Variants in HERC1 observed in about 807,000 individuals in gnomAD.
HERC1 encodes the protein HECT and RLD domain containing E3 ubiquitin protein ligase family member 1.
Under a neutral mutation model 554.3 loss-of-function variants are expected in HERC1, and 160 were observed. The observed-to-expected ratio is 0.29, with a 90% CI of 0.25 to 0.33. The LOEUF is 0.33. Ranked by LOEUF, HERC1 falls within the 10% of genes least tolerant of loss-of-function variation. The pLI is 1.00. For missense variants in HERC1, 4,919 were observed against 5,918.5 expected (o/e 0.83, Z 5.54); for synonymous variants, 2,175 against 2,131.7 (o/e 1.02, Z -0.56).
intron 18 of HERC1, among the ~76,000 whole-genome samples, chr15:63,723,764 C>T (rs1320002058): frequency 1.3e-5 from 2 of 152,056 alleles, no homozygotes; most frequent in Non-Finnish European, 2.9e-5. Flanking sequence ...ATTGAAAATG[C>T]GACTAGACCT....
rs1595911945 is a variant in HERC1 at position 63,659,716 on chromosome 15, A to G, written c.9424+20T>C. On this transcript the variant is annotated intron_variant, in intron 47 of 77. Coordinates refer to ENST00000443617, the MANE Select transcript of HERC1 (RefSeq NM_003922.4). Reference sequence around the variant, plus strand: ...ATAGTAGATGCTATAAAATCAATGCAAATCAGGATTTCAGTTTACCTATTT... The same window carrying G: ...ATAGTAGATGCTATAAAATCAATGCGAATCAGGATTTCAGTTTACCTATTT... 3.8e-6 allele frequency: 6 copies of G among 1,581,448 alleles called. No individual in the cohort carries two copies. In the East Asian group the frequency reaches 1.3e-4, roughly 35 times the overall value.
chr15:63,649,159 C>G (rs1170778594), intron 54 of HERC1, among the ~76,000 whole-genome samples: 1 of 152,170 alleles, frequency 6.6e-6, no homozygotes, highest in East Asian at 1.9e-4. Flanking sequence ...TCGAGACCAT[C>G]CTGGCCAACA....
chr15:63,822,865 G>C (rs2077752953), intron 1 of HERC1, among the ~76,000 whole-genome samples: 1 of 152,086 alleles, frequency 6.6e-6, no homozygotes, highest in South Asian at 2.1e-4. Flanking sequence ...CTAATAGACT[G>C]GTTAAAGGGT....
At chr15:63,609,683 C>T (rs541050549) in intron 77 of HERC1, among the ~76,000 whole-genome samples, 117 of 152,228 alleles carry the variant, frequency 7.7e-4, no homozygotes, top group African/African-American at 2.3e-3. Flanking sequence ...ATGGAAAGAA[C>T]GACTGTGAGG....
chr15:63,707,381 C>A (rs2073061973), intron 24 of HERC1, among the ~76,000 whole-genome samples: 1 of 152,162 alleles, frequency 6.6e-6, no homozygotes, highest in East Asian at 1.9e-4. Context: ...AGACAAATCT[C>A]AAAACTGGTG....
chr15:63,758,988 C>T lies in HERC1; in HGVS notation c.1027-619G>A, dbSNP rs1019183402. Among the ~76,000 whole-genome samples the T allele has an allele frequency of 3.3e-5, 5 of 152,128 alleles. No homozygotes were observed. The highest frequency in any genetic ancestry group is 1.2e-4 in the African/African-American group (5 of 41,418). The stretch of plus-strand genomic sequence containing the variant: ...AAGCAATCCTCCCACCTCAGCCCCC[C>T]AAGTAGCTGAGATTACAGGCATGCA... On this transcript the variant is annotated intron_variant, in intron 3 of 77. Transcript: ENST00000443617. The surrounding 1 kb of genome is among the most constrained non-coding windows in gnomAD (Gnocchi z 4.0).
intron 61 of HERC1, among the ~76,000 whole-genome samples, chr15:63,639,689 T>C (rs2068947866): frequency 6.6e-6 from 1 of 152,236 alleles, no homozygotes; most frequent in Non-Finnish European, 1.5e-5. Context: ...TCACAGTTTC[T>C]AGAGTAGACA....
chr15:63,740,338 GAC>G (rs1354888814), intron 12 of HERC1, among the ~76,000 whole-genome samples: 12 of 152,200 alleles, frequency 7.9e-5, no homozygotes, highest in Non-Finnish European at 1.8e-4. Context: ...TCAGTTGACA[GAC>G]ACATGTTGTT....
rs2069464023 is a variant in HERC1 at position 63,648,292 on chromosome 15, G to A, written c.10748-93C>T. ...AGACTTTGAAACAAATAATGATAAT[G>A]CAACCATTGCAAGTAAATTTCCAAA... On this transcript the variant is annotated intron_variant, in intron 54 of 77. Transcript: ENST00000443617. The A allele has an allele frequency of 4.1e-6, 5 of 1,228,482 alleles. No homozygotes were observed. In the East Asian group the frequency reaches 1.0e-4, roughly 25 times the overall value. The allele number at this position is 1,228,482 out of a possible 1,614,324, so 76.1% of individuals were successfully genotyped here. A position where few individuals can be genotyped will look rare whatever the true frequency, so the allele number is the denominator to read the frequency against.
intron 12 of HERC1, among the ~76,000 whole-genome samples, chr15:63,735,464 CA>C (rs912689629): frequency 6.6e-6 from 1 of 150,988 alleles, no homozygotes; most frequent in Non-Finnish European, 1.5e-5. Context: ...TTGATAGGTG[CA>C]GCACACCAAC....
chr15:63,625,084 C>T (rs1307149285), intron 71 of HERC1, among the ~76,000 whole-genome samples: 1 of 152,112 alleles, frequency 6.6e-6, no homozygotes, highest in East Asian at 1.9e-4. Flanking sequence ...GACTCTGCTG[C>T]CTATCTATTT....
intron 2 of HERC1, among the ~76,000 whole-genome samples, chr15:63,771,053 A>G (rs562988556): frequency 4.1e-4 from 62 of 152,070 alleles, no homozygotes; most frequent in African/African-American, 1.2e-3. Context: ...GCCAGGCATG[A>G]TAGCAAGTGC....
At chr15:63,705,507 T>G (rs1225291709) in intron 25 of HERC1, among the ~76,000 whole-genome samples, 1 of 151,484 alleles carries the variant, frequency 6.6e-6, no homozygotes, top group Non-Finnish European at 1.5e-5. Context: ...TACATGAAAA[T>G]GAAAAAATTA....
chr15:63,626,963 A>G (rs1244994217), intron 70 of HERC1, among the ~76,000 whole-genome samples: 1 of 152,156 alleles, frequency 6.6e-6, no homozygotes, highest in Non-Finnish European at 1.5e-5. Flanking sequence ...CAAAACACTG[A>G]GTCTCAAGGT....
Position 63,713,421 on chromosome 15 carries a change from C to T in HERC1, c.4395G>A (p.Lys1465=), listed in dbSNP as rs755953420. 8.7e-5 allele frequency: 140 copies of T among 1,613,928 alleles called. 2 individuals carry two copies. The South Asian group carries it at 9.8e-4, about 11-fold the overall frequency. ...GVSPVIDELQ[K]RREEGQLQQP... is the part of the protein sequence containing the mutation. Reference sequence around the variant, plus strand: ...GCTGCAACTGTCCTTCTTCTCTTCGCTTCTGAAGCTCATCTATCACAGGAC... The same window carrying T: ...GCTGCAACTGTCCTTCTTCTCTTCGTTTCTGAAGCTCATCTATCACAGGAC... Residue 1465 remains lysine (K), a synonymous_variant, in exon 23 of 78, where the codon AAG becomes AAA. Coordinates refer to ENST00000443617, the MANE Select transcript of HERC1 (RefSeq NM_003922.4).
intron 67 of HERC1, 101 bp downstream of exon 67, chr15:63,633,747 C>G: frequency 7.9e-7 from 1 of 1,272,578 alleles, no homozygotes; most frequent in Non-Finnish European, 1.1e-6. Flanking sequence ...TATGAACTAC[C>G]AAAAGTACTA....
In HERC1 at chr15:63,608,922, A is replaced by T; in HGVS notation, c.*159T>A. 3.6e-6 allele frequency: 2 copies of T among 549,022 alleles called. No individual in the cohort carries two copies. Among genetic ancestry groups the T allele is most frequent in the Non-Finnish European group, 2.9e-6 (1 of 346,250 alleles). 34.0% of individuals were successfully genotyped at this position (549,022 alleles called of 1,614,324 possible). On this transcript the variant is annotated 3_prime_UTR_variant, in exon 78 of 78. Transcript: ENST00000443617. ...AATCACAGAAAAATAAAAACATCTA[A>T]TTTCTTTGTTACATTTAGAGTAACT...
At chr15:63,660,135 A>C (rs2070274357) in intron 46 of HERC1, among the ~76,000 whole-genome samples, 199 bp from the exon 47 acceptor site, 1 of 152,092 alleles carries the variant, frequency 6.6e-6, no homozygotes, top group Non-Finnish European at 1.5e-5. Context: ...CCTGGCCAAC[A>C]TGATGAAACC....
Position 63,678,159 on chromosome 15 carries a change from A to T in HERC1, c.6756T>A (p.Gly2252=). Residue 2252 remains glycine (G), a synonymous_variant, in exon 37 of 78, where the codon GGT becomes GGA. Transcript: ENST00000443617. ...HKIKICIKES[G]QKLKKSRSVQ... The stretch of plus-strand genomic sequence containing the variant: ...CCGAGCGGCTTTTCTTTAGCTTCTG[A>T]CCTGACTCTTTAATACATATCTTAA... 1 of 1,613,752 alleles carries T rather than the reference A, an allele frequency of 6.2e-7. No individual in the cohort carries two copies. The highest frequency in any genetic ancestry group is 1.3e-5 in the African/African-American group (1 of 74,964).
Sources: allele counts gnomAD v4.1 joint callset (sites outside exome capture counted in the v4.1 genomes callset), GRCh38; gene constraint gnomAD v4.1.1; non-coding constraint Gnocchi (gnomAD v3.1); transcripts MANE v1.5; gene names NCBI Gene and HGNC (gene_info 2026-07-23, HGNC 2026-07-21).